UGT1A7: variants seen among roughly 807,000 people sequenced by gnomAD.
UGT1A7 encodes UDP glucuronosyltransferase family 1 member A7.
A neutral mutation model predicts 45.6 loss-of-function variants in UGT1A7; 33 were observed. The observed-to-expected ratio is 0.72, with a 90% confidence interval of 0.55 to 0.97. The LOEUF is 0.97. Ranked by LOEUF, UGT1A7 falls within the 50% of genes least tolerant of loss-of-function variation. UGT1A7 has a pLI of 0.00. For synonymous variants in UGT1A7, 274 were observed against 250.6 expected, an observed-to-expected ratio of 1.09 and a Z score of -0.88; for missense variants, 684 against 666.2, an observed-to-expected ratio of 1.03 and a Z score of -0.29.
At chr2:233,724,991 G>A (rs997879259) in intron 1 of UGT1A7, among the ~76,000 whole-genome samples, 1 of 144,104 alleles carries the variant, frequency 6.9e-6, no homozygotes, top group African/African-American at 2.7e-5. Context: ...GCGGTTAGGG[G>A]CTGGAGACCG....
intron 1 of UGT1A7, 108 bp downstream of exon 1, chr2:233,682,900 T>C: frequency 6.6e-7 from 1 of 1,504,798 alleles, no homozygotes; most frequent in Non-Finnish European, 8.8e-7. Flanking sequence ...TTGGAATTTC[T>C]TTCTGGTTTA....
chr2:233,695,308 T>C (rs1203314854), intron 1 of UGT1A7, among the ~76,000 whole-genome samples: 1 of 151,942 alleles, frequency 6.6e-6, no homozygotes, highest in Non-Finnish European at 1.5e-5. Context: ...GCATTTTTAG[T>C]AGAGGCGGGG....
At chr2:233,724,172 A>G (rs2077183283) in intron 1 of UGT1A7, among the ~76,000 whole-genome samples, 1 of 105,510 alleles carries the variant, frequency 9.5e-6, no homozygotes. Flanking sequence ...TGACCCCCCC[A>G]TCTCCCTCCC....
At chr2:233,758,716 G>T (rs905449123) in intron 1 of UGT1A7, among the ~76,000 whole-genome samples, 10 of 152,140 alleles carry the variant, frequency 6.6e-5, no homozygotes, top group African/African-American at 2.4e-4. Context: ...GTTTCTCTAT[G>T]ATCCTCTAAG....
At chr2:233,750,028 T>C (rs1368553754) in intron 1 of UGT1A7, among the ~76,000 whole-genome samples, 13 of 151,882 alleles carry the variant, frequency 8.6e-5, no homozygotes, top group Admixed American at 8.5e-4. Context: ...AGTACTGCTA[T>C]AAAGATACTT....
chr2:233,763,101 G>A (rs911643886), intron 1 of UGT1A7, among the ~76,000 whole-genome samples: 8 of 152,178 alleles, frequency 5.3e-5, no homozygotes, highest in African/African-American at 1.7e-4. Context: ...GAGAGGCACC[G>A]AACTTTATCA....
intron 1 of UGT1A7, among the ~76,000 whole-genome samples, chr2:233,726,112 G>A (rs1457987990): frequency 6.6e-6 from 1 of 152,176 alleles, no homozygotes; most frequent in Non-Finnish European, 1.5e-5. Flanking sequence ...GCTGCAGTGT[G>A]CCATGTTCAC....
At chr2:233,689,789 G>A (rs1472874347) in intron 1 of UGT1A7, 2 of 424,176 alleles carry the variant, frequency 4.7e-6, no homozygotes, top group Non-Finnish European at 9.3e-6. Context: ...GTTATGATGT[G>A]ATCTGTAGTT....
intron 1 of UGT1A7, among the ~76,000 whole-genome samples, chr2:233,733,852 A>G (rs1004381201): frequency 1.3e-5 from 2 of 151,136 alleles, no homozygotes; most frequent in African/African-American, 2.4e-5. Flanking sequence ...CTCTTTTTCT[A>G]TTGATTGGAA....
intron 1 of UGT1A7, among the ~76,000 whole-genome samples, chr2:233,704,121 C>T (rs1372423895): frequency 2.0e-5 from 3 of 151,972 alleles, no homozygotes; most frequent in Non-Finnish European, 4.4e-5. Flanking sequence ...AAACTCCTTA[C>T]CTCAAGTGAT....
At chr2:233,690,774 C>T (rs868693123) in intron 1 of UGT1A7, 3 of 1,062,396 alleles carry the variant, frequency 2.8e-6, no homozygotes, top group East Asian at 6.5e-5. Context: ...CACACACACA[C>T]ATACACACAC....
chr2:233,713,285 A>T, intron 1 of UGT1A7: 1 of 1,614,230 alleles, frequency 6.2e-7, no homozygotes. Context: ...GTCACACTCA[A>T]TCGTTCTTTG....
At chr2:233,753,985 C>G (rs1431608078) in intron 1 of UGT1A7, among the ~76,000 whole-genome samples, 1 of 152,164 alleles carries the variant, frequency 6.6e-6, no homozygotes, top group Non-Finnish European at 1.5e-5. Context: ...TGTTTTAAGC[C>G]ACCAAGTTTG....
At chr2:233,758,761 T>C (rs892563894) in intron 1 of UGT1A7, among the ~76,000 whole-genome samples, 1 of 152,200 alleles carries the variant, frequency 6.6e-6, no homozygotes, top group Non-Finnish European at 1.5e-5. Context: ...GTGATGTGTA[T>C]GGTTCAAATG....
intron 1 of UGT1A7, chr2:233,729,294 C>G: frequency 6.2e-7 from 1 of 1,614,226 alleles, no homozygotes; most frequent in Non-Finnish European, 8.5e-7. Flanking sequence ...CCAGAGGCCA[C>G]CAGGCAGTGG....
chr2:233,759,924 C>T (rs887829), intron 1 of UGT1A7, among the ~76,000 whole-genome samples: 54,890 of 151,920 alleles, frequency 0.36, 10,314 homozygotes, highest in African/African-American at 0.45. Context: ...TGTTTAATTT[C>T]TGGAAAAGAA....
intron 1 of UGT1A7, among the ~76,000 whole-genome samples, chr2:233,683,598 AT>A (rs1160549006): frequency 6.6e-6 from 1 of 152,130 alleles, no homozygotes; most frequent in African/African-American, 2.4e-5. Context: ...TGAATCCCTC[AT>A]TATTTATTCG....
intron 1 of UGT1A7, among the ~76,000 whole-genome samples, chr2:233,724,344 C>CA (rs2077230286): frequency 1.4e-5 from 2 of 144,986 alleles, no homozygotes; most frequent in East Asian, 2.2e-4. Context: ...GGGCTGACCC[C>CA]CCCCACCTCC....
intron 1 of UGT1A7, among the ~76,000 whole-genome samples, chr2:233,733,535 T>G (rs1019669539): frequency 5.4e-4 from 82 of 152,358 alleles, no homozygotes; most frequent in Non-Finnish European, 5.9e-5. Flanking sequence ...TTAATTTTGT[T>G]GAAGGCCTTT....
Sources: gnomAD v4.1 joint callset for allele counts (sites outside exome capture counted in the v4.1 genomes callset) on GRCh38, gnomAD v4.1.1 for gene constraint, MANE v1.5 for transcripts, NCBI Gene and HGNC (gene_info 2026-07-23, HGNC 2026-07-21) for gene names.